The following CELF2 variants were observed in gnomAD, a reference collection of about 807,000 sequenced individuals.
CELF2 encodes CUG triplet repeat RNA-binding protein 2.
CELF2 carries 8 observed loss-of-function variants against 62.6 expected under a neutral mutation model. The observed-to-expected ratio is 0.13, with a 90% CI of 0.07 to 0.23. CELF2 has a LOEUF of 0.23. CELF2 is among the 10% of genes least tolerant of loss of function. The pLI, the probability that CELF2 is intolerant of heterozygous loss-of-function variation, is 1.00. For synonymous variants in CELF2, 258 were observed against 250.0 expected (o/e 1.03, Z -0.30); for missense variants, 333 against 671.0 (o/e 0.50, Z 5.56).
the CELF2 span, among the ~76,000 whole-genome samples, chr10:10,583,419 G>A: frequency 3.3e-5 from 5 of 152,248 alleles, no homozygotes; most frequent in Admixed American, 2.6e-4. Context: ...TACCTGTGCT[G>A]TTGGCAAAAA....
the CELF2 span, among the ~76,000 whole-genome samples, chr10:10,661,387 AC>A: frequency 6.6e-6 from 1 of 152,216 alleles, no homozygotes; most frequent in Admixed American, 6.5e-5. Flanking sequence ...TAAACACAGC[AC>A]AGTTTATGTT....
the CELF2 span, among the ~76,000 whole-genome samples, chr10:10,699,027 A>C: frequency 6.6e-6 from 1 of 152,128 alleles, no homozygotes; most frequent in African/African-American, 2.4e-5. Context: ...TATAGTATCC[A>C]TATAATATAC....
chr10:10,611,750 A>G, the CELF2 span, among the ~76,000 whole-genome samples: 1 of 152,222 alleles, frequency 6.6e-6, no homozygotes, highest in South Asian at 2.1e-4. Flanking sequence ...ACCTCTCTCT[A>G]TATGGATAGG....
the CELF2 span, among the ~76,000 whole-genome samples, chr10:10,715,824 A>G: frequency 3.9e-5 from 6 of 152,204 alleles, no homozygotes; most frequent in Admixed American, 2.6e-4. Context: ...TCCTAGAAAT[A>G]GTGATATTTA....
At chr10:11,029,599 T>G (rs1432485092) in intron 1 of CELF2, among the ~76,000 whole-genome samples, 1 of 152,208 alleles carries the variant, frequency 6.6e-6, no homozygotes, top group African/African-American at 2.4e-5. Context: ...CACAGCACTT[T>G]GCATTAGGGT....
At chr10:10,640,175 A>G in the CELF2 span, among the ~76,000 whole-genome samples, 16 of 152,310 alleles carry the variant, frequency 1.1e-4, no homozygotes, top group Admixed American at 7.2e-4. Context: ...CTCACCAGTG[A>G]TATATTAAAC....
At chr10:11,310,540 T>G (rs1591266108) in intron 9 of CELF2, among the ~76,000 whole-genome samples, 1 of 152,288 alleles carries the variant, frequency 6.6e-6, no homozygotes, top group Admixed American at 6.5e-5. Context: ...TGTAGTTGTT[T>G]CACTGGAAGG....
intron 1 of CELF2, among the ~76,000 whole-genome samples, chr10:11,148,348 A>G (rs962597913): frequency 2.6e-5 from 4 of 152,218 alleles, no homozygotes; most frequent in Non-Finnish European, 4.4e-5. Flanking sequence ...CGTGTAACGG[A>G]AGGCATTGCT....
chr10:11,025,237 G>GTATATATATATATATA (rs763592456), intron 1 of CELF2, among the ~76,000 whole-genome samples: 5 of 49,862 alleles, frequency 1.0e-4, no homozygotes, highest in South Asian at 2.9e-3. Context: ...GTGTGTGTGT[G>GTATATATATATATATA]TGTATATGTA....
the CELF2 span, among the ~76,000 whole-genome samples, chr10:10,726,546 C>T: frequency 6.6e-6 from 1 of 152,134 alleles, no homozygotes; most frequent in Non-Finnish European, 1.5e-5. Flanking sequence ...TTAGAATCTT[C>T]CTAAGTTTGT....
chr10:10,547,122 C>T, the CELF2 span, among the ~76,000 whole-genome samples: 1 of 151,996 alleles, frequency 6.6e-6, no homozygotes, highest in Non-Finnish European at 1.5e-5. Flanking sequence ...AATTGATATT[C>T]AAGGAATCAT....
upstream of CELF2, among the ~76,000 whole-genome samples, chr10:11,003,134 T>C (rs1374201335): frequency 6.6e-6 from 1 of 152,228 alleles, no homozygotes; most frequent in Non-Finnish European, 1.5e-5. This position sits in a 1 kb window ranked among gnomAD's most constrained non-coding sequence, Gnocchi z 4.4. Context: ...GTCATCTTAG[T>C]GGCGTTTAGA....
chr10:10,584,490 T>G, the CELF2 span, among the ~76,000 whole-genome samples: 1 of 152,240 alleles, frequency 6.6e-6, no homozygotes, highest in African/African-American at 2.4e-5. Flanking sequence ...AGGTACATAC[T>G]ACTAAGTTAG....
At chr10:10,935,447 C>T (rs1169766298) in intron 2 of CELF2, 1 of 152,176 alleles carries the variant, frequency 6.6e-6, no homozygotes. Context: ...TGAGACAGTG[C>T]TTTGAGAGAA....
In CELF2 at chr10:11,217,578, G is replaced by C. The variant is rs765237086; in HGVS notation, c.354+71G>C. On this transcript the variant is annotated intron_variant, in intron 3 of 12. Coordinates refer to ENST00000633077, the MANE Select transcript of CELF2 (RefSeq NM_001326342.2). The surrounding 1 kb of genome is among the most constrained non-coding windows in gnomAD (Gnocchi z 5.6). ...ATGGTCCTTTCAACTGAAGGTTCTA[G>C]TTATGGGCTCTTAGTGCCAAAAATG... The C allele has an allele frequency of 1.7e-6, 2 of 1,181,418 alleles. No homozygotes were observed. Among genetic ancestry groups the C allele is most frequent in the Non-Finnish European group, 2.5e-6 (2 of 804,054 alleles). The allele number at this position is 1,181,418 out of a possible 1,614,324, so 73.2% of individuals were successfully genotyped here. A position where few individuals can be genotyped will look rare whatever the true frequency, so the allele number is the denominator to read the frequency against.
intron 9 of CELF2, among the ~76,000 whole-genome samples, chr10:11,294,391 T>C (rs954705240): frequency 6.6e-6 from 1 of 152,182 alleles, no homozygotes; most frequent in African/African-American, 2.4e-5. Context: ...ACCACACTTA[T>C]AAAACACAGG....
rs1326741429 is a variant in CELF2 at position 11,207,351 on chromosome 10, C to T, written c.272-10074C>T. On this transcript the variant is annotated intron_variant, in intron 2 of 12. Coordinates refer to ENST00000633077, the MANE Select transcript of CELF2 (RefSeq NM_001326342.2). This position sits in a 1 kb window ranked among gnomAD's most constrained non-coding sequence, Gnocchi z 4.1. ...GAAGATGGTTCCTCCAGGGAAAGTCCCCAGGGCAACAGGAGGCTGCCAGGG... is the reference window on the plus strand; with the variant it reads ...GAAGATGGTTCCTCCAGGGAAAGTCTCCAGGGCAACAGGAGGCTGCCAGGG... 6.6e-6 allele frequency among the ~76,000 whole-genome samples: 1 copy of T among 152,134 alleles called. No homozygotes were observed. Among genetic ancestry groups the T allele is most frequent in the Non-Finnish European group, 1.5e-5 (1 of 68,026 alleles).
At position 11,159,012 on chromosome 10, in the gene CELF2, AT is replaced by A. The variant is rs1174221692; in HGVS notation, c.75-6473del. ...TCTTCAGAGGAGCTCAAGCTATTTA[AT>A]GACAATTTGACCATTTAGAGAAGGG... On this transcript the variant is annotated intron_variant, in intron 1 of 12. Coordinates refer to ENST00000633077, the MANE Select transcript of CELF2 (RefSeq NM_001326342.2). This position sits in a 1 kb window ranked among gnomAD's most constrained non-coding sequence, Gnocchi z 5.0. 1.3e-5 allele frequency among the ~76,000 whole-genome samples: 2 copies of A among 152,240 alleles called. No individual in the cohort carries two copies. The highest frequency in any genetic ancestry group is 1.3e-4 in the Admixed American group (2 of 15,288).
intron 1 of CELF2, among the ~76,000 whole-genome samples, chr10:11,113,503 C>G (rs752666550): frequency 2.8e-4 from 42 of 152,172 alleles, no homozygotes; most frequent in Non-Finnish European, 5.1e-4. Context: ...ACTTTTCTCA[C>G]TAATTAAAGC....
Sources: gnomAD v4.1 joint callset for allele counts (sites outside exome capture counted in the v4.1 genomes callset) on GRCh38, gnomAD v4.1.1 for gene constraint, Gnocchi (gnomAD v3.1) non-coding constraint, MANE v1.5 for transcripts, NCBI Gene and HGNC (gene_info 2026-07-23, HGNC 2026-07-21) for gene names.